Variants in LOC400499 observed in about 807,000 individuals in gnomAD.
chr16:11,454,704 T>A, the LOC400499 span, among the ~76,000 whole-genome samples: 1 of 152,220 alleles, frequency 6.6e-6, no homozygotes, highest in African/African-American at 2.4e-5. Flanking sequence ...TTCTGTTGCT[T>A]TAAGCTGCCC....
chr16:11,421,373 T>C, the LOC400499 span, among the ~76,000 whole-genome samples: 2 of 151,886 alleles, frequency 1.3e-5, no homozygotes, highest in Non-Finnish European at 2.9e-5. Context: ...AGCTGATAAG[T>C]TTTATGTGGT....
chr16:11,495,496 T>C, the LOC400499 span, among the ~76,000 whole-genome samples: 101 of 150,466 alleles, frequency 6.7e-4, no homozygotes, highest in African/African-American at 2.3e-3. Flanking sequence ...TTCCCCTGCC[T>C]CAGCCTCCCA....
At chr16:11,494,839 C>T in the LOC400499 span, 1 of 391,300 alleles carries the variant, frequency 2.6e-6, no homozygotes, top group Non-Finnish European at 4.5e-6. Context: ...CACACCGACT[C>T]ACCTGGGCAA....
the LOC400499 span, among the ~76,000 whole-genome samples, chr16:11,518,554 G>T: frequency 2.0e-5 from 3 of 152,092 alleles, no homozygotes; most frequent in African/African-American, 7.2e-5. Flanking sequence ...TGATCGGCAG[G>T]TGTGAAATCT....
At chr16:11,506,620 T>TC in the LOC400499 span, among the ~76,000 whole-genome samples, 12 of 152,240 alleles carry the variant, frequency 7.9e-5, no homozygotes, top group Middle Eastern at 6.8e-3. Flanking sequence ...CACCCTTGCT[T>TC]CCTCCTCCTT....
the LOC400499 span, among the ~76,000 whole-genome samples, chr16:11,497,784 A>G: frequency 6.6e-6 from 1 of 152,128 alleles, no homozygotes; most frequent in Non-Finnish European, 1.5e-5. Context: ...CACAAAAACC[A>G]GAAACCACAT....
chr16:11,424,290 C>T, the LOC400499 span: 1 of 399,410 alleles, frequency 2.5e-6, no homozygotes, highest in East Asian at 3.6e-5. Context: ...GCGTGCTGAG[C>T]AGTTGGAAGC....
the LOC400499 span, among the ~76,000 whole-genome samples, chr16:11,400,771 T>C: frequency 1.3e-5 from 2 of 152,156 alleles, no homozygotes; most frequent in Non-Finnish European, 2.9e-5. Context: ...GCTTATCATA[T>C]CACACCTTCT....
chr16:11,456,501 G>A, the LOC400499 span, among the ~76,000 whole-genome samples: 1 of 152,210 alleles, frequency 6.6e-6, no homozygotes, highest in Admixed American at 6.5e-5. Flanking sequence ...CAAGGCTGGA[G>A]AAGGAGGAAG....
the LOC400499 span, among the ~76,000 whole-genome samples, chr16:11,439,187 A>G: frequency 0.082 from 12,538 of 152,158 alleles, 818 homozygotes; most frequent in African/African-American, 0.18. Context: ...GCTTCTCCCA[A>G]GCCCAAATAT....
At chr16:11,517,289 C>T in the LOC400499 span, among the ~76,000 whole-genome samples, 2 of 152,114 alleles carry the variant, frequency 1.3e-5, no homozygotes, top group Admixed American at 1.3e-4. Context: ...CATAAGCTCC[C>T]AAGTCTCAGC....
At chr16:11,449,152 T>C in the LOC400499 span, 7 of 1,352,420 alleles carry the variant, frequency 5.2e-6, no homozygotes, top group East Asian at 7.8e-5. Flanking sequence ...GCACACCCTA[T>C]TTCCTCCACC....
At chr16:11,483,868 G>C in the LOC400499 span, among the ~76,000 whole-genome samples, 3 of 151,436 alleles carry the variant, frequency 2.0e-5, no homozygotes, top group African/African-American at 7.3e-5. Context: ...GAGTGAGACT[G>C]TCTCAAAAAA....
the LOC400499 span, among the ~76,000 whole-genome samples, chr16:11,480,193 G>T: frequency 6.6e-6 from 1 of 152,224 alleles, no homozygotes; most frequent in Non-Finnish European, 1.5e-5. Flanking sequence ...CACTGATGCA[G>T]AATGTTTCTC....
the LOC400499 span, among the ~76,000 whole-genome samples, chr16:11,445,496 T>C: frequency 1.9e-4 from 28 of 148,426 alleles, no homozygotes; most frequent in African/African-American, 7.0e-4. Flanking sequence ...GGTCTGGGGG[T>C]CAGGTGAGAG....
chr16:11,485,567 G>T, the LOC400499 span, among the ~76,000 whole-genome samples: 5 of 152,068 alleles, frequency 3.3e-5, no homozygotes, highest in Admixed American at 1.3e-4. Context: ...CTGCCCGTCC[G>T]CGCACCCCTC....
At chr16:11,431,090 G>A in the LOC400499 span, 2 of 399,056 alleles carry the variant, frequency 5.0e-6, no homozygotes, top group Admixed American at 4.4e-5. Flanking sequence ...AGGAGGCGGG[G>A]CATCGCTGCC....
chr16:11,393,242 T>A, the LOC400499 span: 1 of 371,362 alleles, frequency 2.7e-6, no homozygotes, highest in Non-Finnish European at 3.9e-6. Context: ...AATTCACCCA[T>A]CTCGGCCTCC....
the LOC400499 span, among the ~76,000 whole-genome samples, chr16:11,455,838 T>C: frequency 2.4e-3 from 367 of 151,762 alleles, 3 homozygotes; most frequent in African/African-American, 8.3e-3. Context: ...TAAACTTTAA[T>C]CTTTTAGATT....
Sources: allele counts gnomAD v4.1 joint callset (sites outside exome capture counted in the v4.1 genomes callset), GRCh38; gene constraint gnomAD v4.1.1; transcripts MANE v1.5.